GPR107: variants seen among roughly 807,000 people sequenced by gnomAD.
The protein encoded by GPR107 is protein GPR107.
Under a neutral mutation model 75.5 loss-of-function variants are expected in GPR107, and 31 were observed. The ratio of observed to expected loss-of-function variants is 0.41; its 90% CI spans 0.31 to 0.55. GPR107 has a LOEUF of 0.55. Ranked by LOEUF, GPR107 falls within the 20% of genes least tolerant of loss-of-function variation. The pLI, the probability that GPR107 is intolerant of heterozygous loss-of-function variation, is 0.26. For missense variants in GPR107, 572 were observed against 665.7 expected (o/e 0.86, Z 1.55); for synonymous variants, 267 against 251.3 (o/e 1.06, Z -0.59).
At chr9:130,070,449 A>G (rs1247985682) in intron 1 of GPR107, among the ~76,000 whole-genome samples, 1 of 151,986 alleles carries the variant, frequency 6.6e-6, no homozygotes, top group African/African-American at 2.4e-5. Flanking sequence ...GATTACAGGC[A>G]TGTGTCACCA....
At chr9:130,131,993 C>G (rs1025673887) in intron 17 of GPR107, among the ~76,000 whole-genome samples, 1 of 152,182 alleles carries the variant, frequency 6.6e-6, no homozygotes, top group African/African-American at 2.4e-5. Context: ...GCAATCCTTT[C>G]ACCTCAGCCT....
chr9:130,097,146 C>CTTTTCTTTCT (rs1564673041), intron 9 of GPR107, among the ~76,000 whole-genome samples: 8 of 51,030 alleles, frequency 1.6e-4, no homozygotes, highest in Admixed American at 2.8e-4. Context: ...CTTTACTTTT[C>CTTTTCTTTCT]TTTTTTTTCT....
intron 13 of GPR107, among the ~76,000 whole-genome samples, chr9:130,105,185 A>T (rs112201973): frequency 6.6e-6 from 1 of 152,316 alleles, no homozygotes; most frequent in African/African-American, 2.4e-5. Flanking sequence ...GGCTATTGGA[A>T]TGCAATTCTT....
At chr9:130,118,612 C>T (rs1350970137) in intron 14 of GPR107, among the ~76,000 whole-genome samples, 3 of 152,098 alleles carry the variant, frequency 2.0e-5, no homozygotes, top group African/African-American at 7.2e-5. Flanking sequence ...AGGAGGTCAG[C>T]CTTACAGGAC....
chr9:130,070,358 C>T (rs942960527), intron 1 of GPR107, among the ~76,000 whole-genome samples: 10 of 152,036 alleles, frequency 6.6e-5, no homozygotes, highest in Admixed American at 2.6e-4. Context: ...AGCTAGAGTG[C>T]GGTGGCGTGA....
intron 9 of GPR107, among the ~76,000 whole-genome samples, chr9:130,095,427 G>A (rs1355294467): frequency 2.0e-5 from 3 of 151,982 alleles, no homozygotes; most frequent in Non-Finnish European, 4.4e-5. Flanking sequence ...ACAGAGTCTC[G>A]CTCTGTCGCC....
chr9:130,095,267 T>C (rs577955466), intron 9 of GPR107, among the ~76,000 whole-genome samples: 1 of 152,314 alleles, frequency 6.6e-6, no homozygotes, highest in South Asian at 2.1e-4. Context: ...CAGGGCGCAA[T>C]CCAAACATGA....
At chr9:130,104,626 A>C in intron 13 of GPR107, 76 bp downstream of exon 13, 3 of 1,270,700 alleles carry the variant, frequency 2.4e-6, no homozygotes, top group Middle Eastern at 2.1e-4. Context: ...CCATTCCCAA[A>C]CTGATCTCAG....
intron 9 of GPR107, among the ~76,000 whole-genome samples, chr9:130,097,155 C>CTTTTTTTTTTTT (rs71387312): frequency 7.7e-6 from 1 of 130,172 alleles, no homozygotes; most frequent in Non-Finnish European, 1.6e-5. Flanking sequence ...TCTTTTTTTT[C>CTTTTTTTTTTTT]TTTTTTTTTT....
chr9:130,068,874 G>T (rs1266911239), intron 1 of GPR107, among the ~76,000 whole-genome samples: 1 of 151,928 alleles, frequency 6.6e-6, no homozygotes, highest in East Asian at 1.9e-4. Context: ...GAGTAGCTGG[G>T]ACCACAGGTG....
intron 1 of GPR107, among the ~76,000 whole-genome samples, chr9:130,064,802 G>A (rs1423655136): frequency 2.6e-5 from 4 of 152,200 alleles, no homozygotes; most frequent in African/African-American, 7.2e-5. Context: ...ACAGAGGGAA[G>A]AAGGCGATGT....
chr9:130,055,117 A>G (rs1829723538), intron 1 of GPR107, among the ~76,000 whole-genome samples: 1 of 152,162 alleles, frequency 6.6e-6, no homozygotes, highest in Non-Finnish European at 1.5e-5. Flanking sequence ...ATAGAAAAGT[A>G]AATTGTTATG....
At chr9:130,126,951 A>G (rs1219976515) in intron 15 of GPR107, among the ~76,000 whole-genome samples, 2 of 152,202 alleles carry the variant, frequency 1.3e-5, no homozygotes, top group Non-Finnish European at 2.9e-5. Context: ...TGGCCAGCAC[A>G]TTGAGTCTTT....
At chr9:130,131,810 C>T (rs561128820) in intron 17 of GPR107, among the ~76,000 whole-genome samples, 13 of 152,246 alleles carry the variant, frequency 8.5e-5, no homozygotes, top group East Asian at 1.9e-4. Flanking sequence ...AGCCCCACCC[C>T]GCCTCTTGCT....
At chr9:130,098,716 T>TA (rs36022745) in intron 9 of GPR107, among the ~76,000 whole-genome samples, 12 of 152,128 alleles carry the variant, frequency 7.9e-5, no homozygotes, top group African/African-American at 2.4e-4. Context: ...ACGTACTTTA[T>TA]AAAAAAAGTG....
chr9:130,065,595 A>T (rs1188971295), intron 1 of GPR107, among the ~76,000 whole-genome samples: 1 of 150,806 alleles, frequency 6.6e-6, no homozygotes, highest in African/African-American at 2.4e-5. Context: ...GTGGAACCCC[A>T]TCTCTACCAA....
intron 4 of GPR107, among the ~76,000 whole-genome samples, chr9:130,079,125 G>GC (rs1554892254): frequency 6.6e-6 from 1 of 151,112 alleles, no homozygotes; most frequent in East Asian, 1.9e-4. Flanking sequence ...CACCCGGCCA[G>GC]TTTTTTTTTG....
chr9:130,077,111 C>T (rs1830369776), intron 3 of GPR107, among the ~76,000 whole-genome samples, 188 bp from the exon 4 acceptor site: 1 of 152,022 alleles, frequency 6.6e-6, no homozygotes, highest in Non-Finnish European at 1.5e-5. Context: ...TGGTCTCGAT[C>T]TCCTGACCTC....
rs1341407399 is a variant in GPR107 at position 130,132,741 on chromosome 9, G to A, written c.1563-2284G>A. Among the ~76,000 whole-genome samples the A allele has an allele frequency of 2.0e-5, 3 of 151,784 alleles. No homozygotes were observed. The East Asian group carries it at 5.8e-4, about 29-fold the overall frequency. ...ACGGAGGTTGCAGTGAGTCGAGATG[G>A]CGCCACTGCACTCCAGCCTGGGTGA... On this transcript the variant is annotated intron_variant, in intron 17 of 17. Coordinates refer to ENST00000347136, the MANE Select transcript of GPR107 (RefSeq NM_020960.5).
Sources: allele counts gnomAD v4.1 joint callset (sites outside exome capture counted in the v4.1 genomes callset), GRCh38; gene constraint gnomAD v4.1.1; transcripts MANE v1.5; gene names NCBI Gene and HGNC (gene_info 2026-07-23, HGNC 2026-07-21).